The following MAGI2 variants were observed in gnomAD, a reference collection of about 807,000 sequenced individuals.
MAGI2 encodes membrane-associated guanylate kinase, WW and PDZ domain-containing protein 2.
Under a neutral mutation model 133.3 loss-of-function variants are expected in MAGI2, and 35 were observed. The ratio of observed to expected loss-of-function variants is 0.26; its 90% confidence interval spans 0.20 to 0.35. The LOEUF is 0.35. Among genes scored for constraint, MAGI2 ranks in the 10% least tolerant of loss-of-function variants. The pLI, the probability that MAGI2 is intolerant of heterozygous loss-of-function variation, is 1.00. For missense variants in MAGI2, 1,636 were observed against 1,863.4 expected (o/e 0.88, Z 2.25); for synonymous variants, 729 against 710.6 (o/e 1.03, Z -0.41).
At chr7:78,961,066 C>A (rs899929751) in intron 2 of MAGI2, among the ~76,000 whole-genome samples, 19 of 152,110 alleles carry the variant, frequency 1.2e-4, no homozygotes, top group African/African-American at 4.6e-4. Flanking sequence ...TTATTTCAGG[C>A]CTTAGCTCTT....
chr7:78,924,787 T>G (rs901556532), intron 2 of MAGI2, among the ~76,000 whole-genome samples: 4 of 151,960 alleles, frequency 2.6e-5, no homozygotes, highest in African/African-American at 9.7e-5. Context: ...TCTCATTTGT[T>G]GAACAACAGT....
intron 2 of MAGI2, among the ~76,000 whole-genome samples, chr7:78,707,923 G>A (rs962468977): frequency 6.6e-6 from 1 of 152,102 alleles, no homozygotes; most frequent in Non-Finnish European, 1.5e-5. Context: ...AAAGTAAAAT[G>A]TAAGTAAAGG....
chr7:78,323,434 A>G (rs151004029), intron 9 of MAGI2, among the ~76,000 whole-genome samples: 26 of 152,292 alleles, frequency 1.7e-4, no homozygotes, highest in Middle Eastern at 3.4e-3. Context: ...TCTTTGGATC[A>G]CTTCTTAGGT....
intron 21 of MAGI2, chr7:78,072,818 C>T (rs1167766513): frequency 5.0e-6 from 2 of 397,360 alleles, no homozygotes; most frequent in Non-Finnish European, 8.9e-6. Context: ...CAGGAGTATG[C>T]CACCACGCTT....
intron 1 of MAGI2, among the ~76,000 whole-genome samples, chr7:79,065,527 T>C (rs1814216904): frequency 6.6e-6 from 1 of 152,120 alleles, no homozygotes; most frequent in African/African-American, 2.4e-5. Context: ...ATATGGTTAA[T>C]TGAAACTATT....
chr7:79,444,509 T>C (rs529034095), intron 1 of MAGI2, among the ~76,000 whole-genome samples: 2 of 152,310 alleles, frequency 1.3e-5, no homozygotes, highest in East Asian at 1.9e-4. Context: ...AGCATTCTTA[T>C]ACACCAATAA....
intron 1 of MAGI2, among the ~76,000 whole-genome samples, chr7:79,348,205 T>C (rs9655826): frequency 0.015 from 2,335 of 151,978 alleles, 50 homozygotes; most frequent in African/African-American, 0.055. Flanking sequence ...CAAAGCAAAA[T>C]GCTGTCATTT....
At chr7:78,110,376 T>C (rs1047259822) in intron 20 of MAGI2, among the ~76,000 whole-genome samples, 3 of 152,106 alleles carry the variant, frequency 2.0e-5, no homozygotes, top group Admixed American at 6.5e-5. Context: ...CACAAAGACA[T>C]GGGACACTAA....
At chr7:78,623,141 G>A (rs1279226282) in intron 3 of MAGI2, among the ~76,000 whole-genome samples, 1 of 151,898 alleles carries the variant, frequency 6.6e-6, no homozygotes, top group Non-Finnish European at 1.5e-5. Flanking sequence ...TGAGAACAAT[G>A]GAAATTTACC....
Position 78,531,978 on chromosome 7 carries a change from T to A in MAGI2, c.539-10333A>T, listed in dbSNP as rs147294626. Reference sequence around the variant, plus strand: ...TCAGAAAAACAATAAAAAAGAAATTTCATTTCTCCTTGAAGAATATGACTG... The same window carrying A: ...TCAGAAAAACAATAAAAAAGAAATTACATTTCTCCTTGAAGAATATGACTG... On this transcript the variant is annotated intron_variant, in intron 3 of 21. Transcript: ENST00000354212. Among the ~76,000 whole-genome samples, 255 of 152,298 alleles carry A rather than the reference T, an allele frequency of 1.7e-3. 2 individuals carry two copies. The highest frequency in any genetic ancestry group is 5.8e-3 in the African/African-American group (243 of 41,562).
At chr7:79,255,137 T>C (rs765223845) in intron 1 of MAGI2, among the ~76,000 whole-genome samples, 4 of 152,220 alleles carry the variant, frequency 2.6e-5, no homozygotes, top group African/African-American at 9.7e-5. Flanking sequence ...TGTGATACTT[T>C]CATTATTATA....
At chr7:79,119,244 A>T (rs1441500132) in intron 1 of MAGI2, among the ~76,000 whole-genome samples, 1 of 152,144 alleles carries the variant, frequency 6.6e-6, no homozygotes, top group Admixed American at 6.5e-5. Flanking sequence ...CATAACCTGA[A>T]TTTATTATTT....
chr7:78,167,534 C>T (rs967706616), intron 15 of MAGI2, among the ~76,000 whole-genome samples: 2 of 152,128 alleles, frequency 1.3e-5, no homozygotes, highest in African/African-American at 2.4e-5. Flanking sequence ...TCCTGGTTGC[C>T]TCATTATGGC....
At position 79,011,924 on chromosome 7, in the gene MAGI2, C is replaced by CCTTCCTTCCTTTCTTT. The variant is rs1413880167; in HGVS notation, c.302-4719_302-4718insAAAGAAAGGAAGGAAG. On this transcript the variant is annotated intron_variant, in intron 1 of 21. Coordinates refer to ENST00000354212, the MANE Select transcript of MAGI2 (RefSeq NM_012301.4). Reference sequence around the variant, plus strand: ...TCCTTCCTTCCTTCCTTCCTTCCTTCCTTTCTTTCTTTCTTTCTTTCTTTC... The same window carrying CCTTCCTTCCTTTCTTT: ...TCCTTCCTTCCTTCCTTCCTTCCTTCCTTCCTTCCTTTCTTTCTTTCTTTCTTTCTTTCTTTCTTTC... 5.6e-4 allele frequency among the ~76,000 whole-genome samples: 68 copies of CCTTCCTTCCTTTCTTT among 121,280 alleles called. 1 individual carries two copies. The highest frequency in any genetic ancestry group is 2.1e-3 in the Admixed American group (23 of 11,094). 79.6% of individuals were successfully genotyped at this position (121,280 alleles called of 152,430 possible). A position where few individuals can be genotyped will look rare whatever the true frequency, so the allele number is the denominator to read the frequency against.
intron 1 of MAGI2, among the ~76,000 whole-genome samples, chr7:79,116,610 C>T (rs973373898): frequency 2.0e-5 from 3 of 152,202 alleles, no homozygotes; most frequent in East Asian, 1.9e-4. Flanking sequence ...TTTGGATATG[C>T]GTCCCTCCAA....
chr7:78,618,816 A>T (rs1230195244), intron 3 of MAGI2: 2 of 151,772 alleles, frequency 1.3e-5, no homozygotes, highest in Non-Finnish European at 2.9e-5. Context: ...AATCAAAAAA[A>T]GTCAAATTCA....
At chr7:78,822,220 G>A (rs532435236) in intron 2 of MAGI2, among the ~76,000 whole-genome samples, 36 of 152,086 alleles carry the variant, frequency 2.4e-4, no homozygotes, top group Non-Finnish European at 4.6e-4. Flanking sequence ...TAAATAAATG[G>A]TCTCAGTGAA....
chr7:78,560,004 G>A (rs928230796), intron 3 of MAGI2, among the ~76,000 whole-genome samples: 1 of 152,046 alleles, frequency 6.6e-6, no homozygotes, highest in Non-Finnish European at 1.5e-5. Flanking sequence ...GGGACTTACA[G>A]ACAAAAGGAA....
intron 2 of MAGI2, among the ~76,000 whole-genome samples, chr7:78,992,691 C>T (rs1354655149): frequency 6.6e-6 from 1 of 151,866 alleles, no homozygotes; most frequent in African/African-American, 2.4e-5. Flanking sequence ...TGCTTGTAGT[C>T]ATATTTTATT....
Sources: gnomAD v4.1 joint callset for allele counts (sites outside exome capture counted in the v4.1 genomes callset) on GRCh38, gnomAD v4.1.1 for gene constraint, MANE v1.5 for transcripts, NCBI Gene and HGNC (gene_info 2026-07-23, HGNC 2026-07-21) for gene names.